Variants in MRTFA observed in about 807,000 individuals in gnomAD.
The protein encoded by MRTFA is myocardin-related transcription factor A.
MRTFA carries 20 observed loss-of-function variants against 83.5 expected under a neutral mutation model. The ratio of observed to expected loss-of-function variants is 0.24; its 90% CI spans 0.17 to 0.35. The LOEUF is 0.35. Ranked by LOEUF, MRTFA falls within the 10% of genes least tolerant of loss-of-function variation. MRTFA has a pLI of 1.00. For missense variants in MRTFA, 1,200 were observed against 1,224.7 expected (o/e 0.98, Z 0.30); for synonymous variants, 659 against 541.2 (o/e 1.22, Z -3.02).
At chr22:40,521,363 T>C (rs2054862895) in intron 3 of MRTFA, among the ~76,000 whole-genome samples, 1 of 152,168 alleles carries the variant, frequency 6.6e-6, no homozygotes, top group African/African-American at 2.4e-5. Flanking sequence ...AATCATACAA[T>C]AGGTAACATT....
At chr22:40,543,245 G>C (rs1274493291) in intron 3 of MRTFA, among the ~76,000 whole-genome samples, 2 of 152,102 alleles carry the variant, frequency 1.3e-5, no homozygotes, top group African/African-American at 4.8e-5. Flanking sequence ...ATTTGGATCA[G>C]AAACTGCCCA....
At chr22:40,469,574 A>G (rs531361467) in intron 3 of MRTFA, among the ~76,000 whole-genome samples, 130 of 152,296 alleles carry the variant, frequency 8.5e-4, no homozygotes, top group African/African-American at 3.0e-3. Context: ...AAAACAGACT[A>G]ATGCAGACAT....
intron 6 of MRTFA, 100 bp from the exon 7 acceptor site, chr22:40,429,867 G>A (rs2053032667): frequency 8.1e-7 from 1 of 1,234,328 alleles, no homozygotes; most frequent in Admixed American, 2.3e-5. Flanking sequence ...GGCAAGAGGA[G>A]TGACTGTCAG....
chr22:40,563,085 C>T (rs1008107668), intron 2 of MRTFA, among the ~76,000 whole-genome samples: 2 of 152,168 alleles, frequency 1.3e-5, no homozygotes, highest in Non-Finnish European at 2.9e-5. Flanking sequence ...ATAACACTGC[C>T]TCTTCAATTA....
Position 40,418,620 on chromosome 22 carries a change from G to T in MRTFA, c.2118C>A (p.Thr706=). The T allele has an allele frequency of 6.5e-7, 1 of 1,532,918 alleles. No individual in the cohort carries two copies. The allele number at this position is 1,532,918 out of a possible 1,614,324, so 95.0% of individuals were successfully genotyped here. A position where few individuals can be genotyped will look rare whatever the true frequency, so the allele number is the denominator to read the frequency against. The stretch of plus-strand genomic sequence containing the variant: ...CCACAGCACAAGGGTCTATGTGGTT[G>T]GTGGCTGGGGCCGCCAGGCTGGGGT... The change falls in exon 12 of 15, where the codon ACC becomes ACA. Residue 706 remains threonine, a synonymous_variant. Coordinates refer to ENST00000355630, the MANE Select transcript of MRTFA (RefSeq NM_020831.6).
chr22:40,623,075 G>T (rs575434990), intron 1 of MRTFA, among the ~76,000 whole-genome samples: 3 of 152,318 alleles, frequency 2.0e-5, no homozygotes, highest in Non-Finnish European at 4.4e-5. Flanking sequence ...CAACATGTAA[G>T]CCAGCTGTGA....
chr22:40,506,849 T>C (rs976018413), intron 3 of MRTFA, among the ~76,000 whole-genome samples: 1 of 152,224 alleles, frequency 6.6e-6, no homozygotes, highest in East Asian at 1.9e-4. Context: ...GTGTACTAGC[T>C]ACCAGCAAGC....
chr22:40,517,784 T>C (rs1281327843), intron 3 of MRTFA, among the ~76,000 whole-genome samples: 2 of 152,136 alleles, frequency 1.3e-5, no homozygotes, highest in Non-Finnish European at 2.9e-5. Context: ...TGAGCTGACT[T>C]TGGAAAGCCC....
intron 4 of MRTFA, among the ~76,000 whole-genome samples, chr22:40,451,634 A>C (rs1402055443): frequency 6.6e-6 from 1 of 152,170 alleles, no homozygotes; most frequent in African/African-American, 2.4e-5. Context: ...GTGAGCACAC[A>C]ATCTCATTTA....
chr22:40,475,882 C>T (rs952112141), intron 3 of MRTFA, among the ~76,000 whole-genome samples: 6 of 152,186 alleles, frequency 3.9e-5, no homozygotes, highest in East Asian at 1.9e-4. Flanking sequence ...CGGTGGCTCA[C>T]GCCTGTATTC....
At chr22:40,470,031 C>T (rs1284406573) in intron 3 of MRTFA, among the ~76,000 whole-genome samples, 1 of 151,638 alleles carries the variant, frequency 6.6e-6, no homozygotes, top group Admixed American at 6.6e-5. Context: ...CAAGACCAGC[C>T]TGGCCAACAT....
At chr22:40,496,254 C>T (rs986592061) in intron 3 of MRTFA, among the ~76,000 whole-genome samples, 2 of 152,074 alleles carry the variant, frequency 1.3e-5, no homozygotes. Flanking sequence ...ATAATAAATG[C>T]ATTTTAAGTA....
chr22:40,519,679 T>G (rs1569308621), intron 3 of MRTFA: 1 of 1,138,278 alleles, frequency 8.8e-7, no homozygotes, highest in Admixed American at 3.3e-5. Flanking sequence ...AAAAAAATGT[T>G]ATAACAATCA....
chr22:40,417,854 G>A (rs141887317), intron 12 of MRTFA: 78 of 267,144 alleles, frequency 2.9e-4, no homozygotes, highest in Admixed American at 1.8e-3. Context: ...CCCAAGTTCT[G>A]CAGGACCACG....
chr22:40,435,965 G>A (rs1423134812), intron 4 of MRTFA, among the ~76,000 whole-genome samples: 1 of 151,326 alleles, frequency 6.6e-6, no homozygotes, highest in Non-Finnish European at 1.5e-5. Flanking sequence ...TCACATTACT[G>A]TTAGTAGTAC....
intron 1 of MRTFA, among the ~76,000 whole-genome samples, chr22:40,619,886 TCTC>T (rs1177827138): frequency 1.7e-5 from 2 of 120,556 alleles, no homozygotes; most frequent in Non-Finnish European, 3.4e-5. Flanking sequence ...CGAAACTCCG[TCTC>T]AAAAAAAAAA....
At chr22:40,630,059 T>A (rs1046276072) in intron 1 of MRTFA, among the ~76,000 whole-genome samples, 1 of 151,952 alleles carries the variant, frequency 6.6e-6, no homozygotes, top group Non-Finnish European at 1.5e-5. Context: ...ATGCTTATCA[T>A]CCTAGCGCTT....
intron 2 of MRTFA, among the ~76,000 whole-genome samples, chr22:40,591,192 T>C (rs1440222462): frequency 6.7e-6 from 1 of 148,372 alleles, no homozygotes; most frequent in African/African-American, 2.5e-5. Context: ...CCAGAAATAA[T>C]AACGAGCTCT....
chr22:40,619,140 G>T (rs538478140), intron 1 of MRTFA, among the ~76,000 whole-genome samples: 1 of 152,168 alleles, frequency 6.6e-6, no homozygotes, highest in Admixed American at 6.5e-5. Context: ...TTTTGTAGAT[G>T]TAACTAACAT....
Sources: gnomAD v4.1 joint callset for allele counts (sites outside exome capture counted in the v4.1 genomes callset) on GRCh38, gnomAD v4.1.1 for gene constraint, MANE v1.5 for transcripts, NCBI Gene and HGNC (gene_info 2026-07-23, HGNC 2026-07-21) for gene names.